The following FHOD3 variants were observed in gnomAD, a reference collection of about 807,000 sequenced individuals.
The protein encoded by FHOD3 is formin homology 2 domain containing 3.
Under a neutral mutation model 173.0 loss-of-function variants are expected in FHOD3, and 90 were observed. That is an observed-to-expected ratio of 0.52 (90% CI 0.44 to 0.62). The LOEUF (loss-of-function observed/expected upper bound fraction) is 0.62. FHOD3 is among the 20% of genes least tolerant of loss of function. The probability of loss-of-function intolerance (pLI) is 0.00; values close to 1 mark genes in which losing one functional copy is unlikely to be tolerated. For synonymous variants in FHOD3, 828 were observed against 823.0 expected (o/e 1.01, Z -0.10); for missense variants, 1,945 against 2,034.7 (o/e 0.96, Z 0.85).
intron 1 of FHOD3, among the ~76,000 whole-genome samples, chr18:36,329,625 T>A (rs2044878065): frequency 6.6e-6 from 1 of 152,086 alleles, no homozygotes; most frequent in African/African-American, 2.4e-5. Context: ...AGGATGTGAC[T>A]GGGGGATGCA....
Position 36,625,574 on chromosome 18 carries a change from C to G in FHOD3, c.1021C>G (p.Arg341Gly), listed in dbSNP as rs574004851. ...TEPPPSGCRD[R>G]RRASVCSSGG... The stretch of plus-strand genomic sequence containing the variant: ...GCCACCCCCCAGTGGGTGCCGGGAC[C>G]GGAGGAGGGCCAGCGTGTGTTCCAG... Residue 341 changes from arginine (R) to glycine (G), a missense_variant, in exon 10 of 29, where the codon CGG (arginine) becomes GGG (glycine). Around this residue, in one of 5 missense-constraint regions of FHOD3, gnomAD observed 1,099 missense variants for 1,051.2 expected, o/e 1.05. Transcript: ENST00000590592. 8.8e-5 allele frequency: 136 copies of G among 1,538,572 alleles called. No homozygotes were observed. Among genetic ancestry groups the G allele is most frequent in the South Asian group, 8.4e-5 (7 of 83,112 alleles).
chr18:36,391,292 A>G (rs1290801962), intron 3 of FHOD3, among the ~76,000 whole-genome samples: 4 of 152,140 alleles, frequency 2.6e-5, no homozygotes, highest in Non-Finnish European at 5.9e-5. Flanking sequence ...GGGGTGGCTC[A>G]TGGAACAGGG....
chr18:36,486,220 C>T (rs2054185423), intron 3 of FHOD3, among the ~76,000 whole-genome samples: 1 of 152,246 alleles, frequency 6.6e-6, no homozygotes. Flanking sequence ...TTGGCCCCAA[C>T]TGGCTTCTCC....
chr18:36,579,983 T>C (rs79512559), intron 6 of FHOD3, among the ~76,000 whole-genome samples: 9,796 of 150,978 alleles, frequency 0.065, 439 homozygotes, highest in Middle Eastern at 0.09. Context: ...ATGCCATGGC[T>C]CAGAGTCTCT....
intron 2 of FHOD3, among the ~76,000 whole-genome samples, chr18:36,363,369 A>G (rs1173929588): frequency 2.6e-5 from 4 of 152,260 alleles, no homozygotes; most frequent in African/African-American, 9.6e-5. Context: ...CTTTTTTCAT[A>G]ATTGCCAAAA....
intron 2 of FHOD3, among the ~76,000 whole-genome samples, chr18:36,361,356 G>A (rs1225106585): frequency 1.3e-5 from 2 of 152,092 alleles, no homozygotes; most frequent in Admixed American, 6.5e-5. Context: ...GGCTTCAGAA[G>A]GTTTGGAGTG....
chr18:36,526,492 C>T (rs2056520861), intron 5 of FHOD3, among the ~76,000 whole-genome samples: 1 of 151,980 alleles, frequency 6.6e-6, no homozygotes, highest in Admixed American at 6.6e-5. Flanking sequence ...GTGGCACAAT[C>T]TTTGCTCACT....
chr18:36,395,542 T>C (rs1464341510), intron 3 of FHOD3, among the ~76,000 whole-genome samples: 2 of 152,200 alleles, frequency 1.3e-5, no homozygotes, highest in East Asian at 1.9e-4. Flanking sequence ...ATAATTCTTT[T>C]TTTTCATAAT....
chr18:36,718,364 T>TCCCCCA lies in FHOD3; in HGVS notation c.3076_3081dup (p.Pro1026_Pro1027dup), dbSNP rs1555820507. On this transcript the variant is annotated inframe_insertion, in exon 19 of 29. Coordinates refer to ENST00000590592, the MANE Select transcript of FHOD3 (RefSeq NM_001281740.3). ...GTCACAGGGAGGCCCCTGGGCCACC[T>TCCCCCA]CCCCCACCCCCACCCACCTTTCTGG... The TCCCCCA allele has an allele frequency of 3.8e-6, 5 of 1,317,234 alleles. No individual in the cohort carries two copies. The African/African-American group carries it at 5.2e-5, about 14-fold the overall frequency. 81.6% of individuals were successfully genotyped at this position (1,317,234 alleles called of 1,614,324 possible).
At chr18:36,360,844 A>T (rs1196013955) in intron 2 of FHOD3, among the ~76,000 whole-genome samples, 3 of 152,176 alleles carry the variant, frequency 2.0e-5, no homozygotes, top group Non-Finnish European at 4.4e-5. Context: ...TCTTCTTATG[A>T]TATAATACAA....
chr18:36,682,360 C>T (rs2038306877), intron 15 of FHOD3, among the ~76,000 whole-genome samples: 1 of 152,096 alleles, frequency 6.6e-6, no homozygotes, highest in Admixed American at 6.6e-5. Flanking sequence ...CCTTTCTTCC[C>T]CACCTCCTCC....
At chr18:36,330,925 G>T (rs1034379306) in intron 1 of FHOD3, among the ~76,000 whole-genome samples, 14 of 152,170 alleles carry the variant, frequency 9.2e-5, no homozygotes, top group African/African-American at 3.4e-4. Flanking sequence ...CCCAGAGTGA[G>T]CATGCTCATT....
chr18:36,736,140 T>C (rs906994070), intron 20 of FHOD3, among the ~76,000 whole-genome samples: 5 of 152,282 alleles, frequency 3.3e-5, no homozygotes, highest in Admixed American at 3.3e-4. Context: ...CACAGGTGAG[T>C]GAGTGCAGGA....
At chr18:36,346,085 G>A (rs9945348) in intron 1 of FHOD3, among the ~76,000 whole-genome samples, 1 of 152,174 alleles carries the variant, frequency 6.6e-6, no homozygotes, top group Non-Finnish European at 1.5e-5. Context: ...CCCAATTTTG[G>A]CTGGGCACAG....
At chr18:36,778,257 T>C (rs1260888279) in intron 28 of FHOD3, 5 of 151,520 alleles carry the variant, frequency 3.3e-5, no homozygotes, top group African/African-American at 1.2e-4. Flanking sequence ...ATGAGGGGAG[T>C]TGGCAAAGGA....
chr18:36,604,430 G>A (rs1464813819), intron 8 of FHOD3, among the ~76,000 whole-genome samples: 1 of 152,190 alleles, frequency 6.6e-6, no homozygotes, highest in African/African-American at 2.4e-5. Flanking sequence ...AATGTAGTGT[G>A]GCCCCTTCCT....
At chr18:36,603,089 C>A (rs1353044143) in intron 8 of FHOD3, among the ~76,000 whole-genome samples, 1 of 152,154 alleles carries the variant, frequency 6.6e-6, no homozygotes, top group Non-Finnish European at 1.5e-5. Flanking sequence ...TCCTGTAGAG[C>A]CTTCAGGGAA....
intron 13 of FHOD3, among the ~76,000 whole-genome samples, chr18:36,657,413 T>G (rs1171578097): frequency 6.6e-6 from 1 of 152,196 alleles, no homozygotes; most frequent in African/African-American, 2.4e-5. Context: ...ATTTTACAGA[T>G]CTTGAAATTT....
At chr18:36,381,607 G>A (rs1486180780) in intron 3 of FHOD3, among the ~76,000 whole-genome samples, 1 of 152,220 alleles carries the variant, frequency 6.6e-6, no homozygotes, top group Admixed American at 6.5e-5. Context: ...TCTGGATTCT[G>A]TGCAGGATGG....
Sources: gnomAD v4.1 joint callset for allele counts (sites outside exome capture counted in the v4.1 genomes callset) on GRCh38, gnomAD v4.1.1 for gene constraint, gnomAD v4.1.1 regional missense constraint, MANE v1.5 for transcripts, NCBI Gene and HGNC (gene_info 2026-07-23, HGNC 2026-07-21) for gene names.